AGBL4: variants seen among roughly 807,000 people sequenced by gnomAD.
AGBL4 encodes AGBL carboxypeptidase 4, also known as cytosolic carboxypeptidase 6.
AGBL4 carries 58 observed loss-of-function variants against 66.4 expected under a neutral mutation model. The observed-to-expected ratio is 0.87, with a 90% CI of 0.71 to 1.09. The LOEUF (loss-of-function observed/expected upper bound fraction) is 1.09. Ranked by LOEUF, AGBL4 falls within the 50% of genes least tolerant of loss-of-function variation. The pLI, the probability that AGBL4 is intolerant of heterozygous loss-of-function variation, is 0.00. For synonymous variants in AGBL4, 234 were observed against 222.9 expected (o/e 1.05, Z -0.44); for missense variants, 579 against 631.0 (o/e 0.92, Z 0.88).
At chr1:49,333,347 G>T (rs1329154703) in intron 3 of AGBL4, among the ~76,000 whole-genome samples, 1 of 152,070 alleles carries the variant, frequency 6.6e-6, no homozygotes, top group Non-Finnish European at 1.5e-5. Context: ...GCGTGGTGGC[G>T]CATGCCTGTA....
chr1:49,672,965 G>C (rs1382434646), intron 3 of AGBL4, among the ~76,000 whole-genome samples: 2 of 148,556 alleles, frequency 1.3e-5, no homozygotes, highest in Non-Finnish European at 3.0e-5. Context: ...AGAGAAATTT[G>C]ATAACCTTTA....
At chr1:48,861,674 T>A (rs1364507439) in intron 6 of AGBL4, among the ~76,000 whole-genome samples, 1 of 152,206 alleles carries the variant, frequency 6.6e-6, no homozygotes, top group Non-Finnish European at 1.5e-5. Flanking sequence ...CCAGTGACTT[T>A]CCAGACCTTT....
chr1:48,812,280 TG>T (rs1034094863), intron 6 of AGBL4, among the ~76,000 whole-genome samples: 41 of 152,154 alleles, frequency 2.7e-4, no homozygotes, highest in African/African-American at 9.7e-4. Context: ...TCGTGCTGTG[TG>T]ATGGGGGAGA....
chr1:48,884,481 T>C (rs945748529), intron 5 of AGBL4, among the ~76,000 whole-genome samples: 1 of 152,146 alleles, frequency 6.6e-6, no homozygotes, highest in Non-Finnish European at 1.5e-5. Context: ...ATTATTTGCA[T>C]TCTTCTTATG....
intron 3 of AGBL4, among the ~76,000 whole-genome samples, chr1:49,592,668 C>T (rs187956165): frequency 7.2e-5 from 11 of 152,088 alleles, no homozygotes; most frequent in Non-Finnish European, 1.2e-4. Flanking sequence ...TAGAGAAATG[C>T]AAATCAAAAC....
rs116042234 is a variant in AGBL4, at chr1:48,547,098, A to G, written c.1268-7360T>C. Among the ~76,000 whole-genome samples, 263 of 152,212 alleles carry G rather than the reference A, an allele frequency of 1.7e-3. 1 individual carries two copies. The highest frequency in any genetic ancestry group is 6.0e-3 in the African/African-American group (248 of 41,534). On this transcript the variant is annotated intron_variant, in intron 11 of 13. Coordinates refer to ENST00000371839, the MANE Select transcript of AGBL4 (RefSeq NM_032785.4). ...ACGGAAACTGGAAGAGGGCTGGCAG[A>G]GGGTGATAGGCAAGGGCTAGATCAC...
intron 3 of AGBL4, among the ~76,000 whole-genome samples, chr1:49,381,559 C>T (rs965600614): frequency 6.6e-5 from 10 of 152,136 alleles, no homozygotes; most frequent in Middle Eastern, 3.4e-3. Context: ...ATGTTTATTA[C>T]GGCGTTATTC....
chr1:49,128,971 G>A (rs1645825036), intron 4 of AGBL4, among the ~76,000 whole-genome samples: 1 of 151,728 alleles, frequency 6.6e-6, no homozygotes, highest in Non-Finnish European at 1.5e-5. Context: ...CGTGATAAAA[G>A]ACTTGTATCT....
intron 6 of AGBL4, among the ~76,000 whole-genome samples, chr1:48,746,609 G>A (rs1165693852): frequency 2.0e-5 from 3 of 152,192 alleles, no homozygotes; most frequent in Non-Finnish European, 4.4e-5. Flanking sequence ...CCTCCTTCCA[G>A]GACATTGTCT....
chr1:48,711,706 C>A (rs1054960922), intron 6 of AGBL4, among the ~76,000 whole-genome samples: 6 of 150,984 alleles, frequency 4.0e-5, no homozygotes, highest in African/African-American at 7.3e-5. Flanking sequence ...ATTCCTGTCA[C>A]CCCTCTCTCA....
At chr1:50,011,546 A>C (rs1661533505) in intron 1 of AGBL4, among the ~76,000 whole-genome samples, 1 of 152,240 alleles carries the variant, frequency 6.6e-6, no homozygotes, top group African/African-American at 2.4e-5. Flanking sequence ...TAACCAAAAG[A>C]AAGGAAATCA....
chr1:49,841,003 A>C (rs938904286), intron 2 of AGBL4, among the ~76,000 whole-genome samples: 1 of 152,202 alleles, frequency 6.6e-6, no homozygotes, highest in Non-Finnish European at 1.5e-5. Flanking sequence ...TCCTAGCCAA[A>C]GCAGTCAGGC....
intron 2 of AGBL4, among the ~76,000 whole-genome samples, chr1:49,832,622 A>C (rs1168665701): frequency 6.6e-6 from 1 of 151,566 alleles, no homozygotes; most frequent in Non-Finnish European, 1.5e-5. Context: ...AAGAGTGTAA[A>C]AGTGTTCCTA....
intron 5 of AGBL4, among the ~76,000 whole-genome samples, chr1:48,895,491 A>T (rs923093546): frequency 3.9e-5 from 6 of 152,226 alleles, no homozygotes; most frequent in Admixed American, 3.3e-4. Flanking sequence ...AACATCCTCA[A>T]TCATTTCTGG....
At chr1:49,287,665 T>C (rs992449915) in intron 3 of AGBL4, among the ~76,000 whole-genome samples, 1 of 152,056 alleles carries the variant, frequency 6.6e-6, no homozygotes, top group African/African-American at 2.4e-5. Flanking sequence ...CACAATGAGA[T>C]ACCATCTCAC....
intron 6 of AGBL4, among the ~76,000 whole-genome samples, chr1:48,822,790 A>G (rs1183967105): frequency 6.6e-6 from 1 of 152,232 alleles, no homozygotes; most frequent in Non-Finnish European, 1.5e-5. Context: ...TCTTTATAGC[A>G]TACACACACA....
chr1:49,220,839 C>T (rs1347431201), intron 4 of AGBL4, among the ~76,000 whole-genome samples: 2 of 152,074 alleles, frequency 1.3e-5, no homozygotes, highest in African/African-American at 4.8e-5. Flanking sequence ...ATTACCTATG[C>T]CATAGGTTTG....
At chr1:49,936,040 A>C (rs1358314036) in intron 1 of AGBL4, among the ~76,000 whole-genome samples, 1 of 152,216 alleles carries the variant, frequency 6.6e-6, no homozygotes, top group Non-Finnish European at 1.5e-5. Context: ...AACTACTCCA[A>C]GCTACAGGAG....
intron 10 of AGBL4, 31 bp from the exon 11 acceptor site, chr1:48,587,197 C>A: frequency 1.3e-6 from 2 of 1,524,444 alleles, no homozygotes; most frequent in Admixed American, 2.1e-5. Context: ...AGGAGAGAAT[C>A]ACGGCACCTG....
Sources: gnomAD v4.1 joint callset for allele counts (sites outside exome capture counted in the v4.1 genomes callset) on GRCh38, gnomAD v4.1.1 for gene constraint, MANE v1.5 for transcripts, NCBI Gene and HGNC (gene_info 2026-07-23, HGNC 2026-07-21) for gene names.